PNLIPRP3: variants seen among roughly 807,000 people sequenced by gnomAD.
PNLIPRP3 encodes the protein pancreatic lipase-related protein 3.
Under a neutral mutation model 52.8 loss-of-function variants are expected in PNLIPRP3, and 58 were observed. That is an observed-to-expected ratio of 1.10 (90% CI 0.89 to 1.37). The LOEUF (loss-of-function observed/expected upper bound fraction) is 1.37. Among genes scored for constraint, PNLIPRP3 ranks in the 40% most tolerant of loss-of-function variants. PNLIPRP3 has a pLI of 0.00. For synonymous variants in PNLIPRP3, 192 were observed against 185.0 expected (o/e 1.04, Z -0.31); for missense variants, 593 against 561.6 (o/e 1.06, Z -0.57).
In PNLIPRP3 at chr10:116,464,800, G is replaced by T. The variant is rs374634093; in HGVS notation, c.809-1250G>T. Among the ~76,000 whole-genome samples the T allele has an allele frequency of 2.6e-3, 390 of 152,312 alleles. 1 individual carries two copies. The highest frequency in any genetic ancestry group is 9.0e-3 in the African/African-American group (376 of 41,582). On this transcript the variant is annotated intron_variant, in intron 7 of 11. Transcript: ENST00000369230. ...GGCTTGTTTGTGTTACAGCTCATTT[G>T]TTCCCACCCTCTGCACAGTTCAGCG... is the stretch of plus-strand genomic sequence containing the variant.
At chr10:116,466,632 T>C (rs1846285617) in intron 8 of PNLIPRP3, among the ~76,000 whole-genome samples, 1 of 139,038 alleles carries the variant, frequency 7.2e-6, no homozygotes, top group Admixed American at 7.1e-5. Flanking sequence ...AACTAAAGCA[T>C]AGATAGCTCA....
intron 7 of PNLIPRP3, among the ~76,000 whole-genome samples, 166 bp from the exon 8 acceptor site, chr10:116,465,883 TA>T (rs1309170600): frequency 6.6e-5 from 10 of 152,346 alleles, no homozygotes; most frequent in Admixed American, 5.2e-4. Context: ...TTGGTACAAA[TA>T]AAATTATATG....
chr10:116,469,289 A>G lies in PNLIPRP3; in HGVS notation c.1032A>G (p.Leu344=). The G allele has an allele frequency of 1.2e-6, 2 of 1,609,804 alleles. No homozygotes were observed. The highest frequency in any genetic ancestry group is 2.2e-5 in the South Asian group (2 of 89,766). ...NMKTNGSHYF[L]NTGSLSPFAR... ...AGACTAATGGATCACATTATTTTTT[A>G]AACACAGGGTCCCTTTCCCCATTTG... The change falls in exon 9 of 12, where the codon TTA becomes TTG. Residue 344 remains leucine (L), a synonymous_variant. Transcript: ENST00000369230.
chr10:116,447,761 C>T (rs1056998881), intron 4 of PNLIPRP3, among the ~76,000 whole-genome samples: 1 of 152,026 alleles, frequency 6.6e-6, no homozygotes, highest in African/African-American at 2.4e-5. Context: ...CATGGTGAAA[C>T]CCCATCTCTA....
In PNLIPRP3 at chr10:116,443,112, A is replaced by T; in HGVS notation, c.262A>T (p.Ile88Phe). The change falls in exon 3 of 12, where the codon ATC becomes TTC. Residue 88 changes from isoleucine (I) to phenylalanine (F), a missense_variant. Transcript: ENST00000369230. ...IQASYFGTDK[I>F]TRINIAGWKT... ...AGCCTCATATTTTGGAACAGACAAG[A>T]TCACCCGTATCAACATAGCTGGATG... is the stretch of plus-strand genomic sequence containing the variant. 6.2e-7 allele frequency: 1 copy of T among 1,611,778 alleles called. No homozygotes were observed. Among genetic ancestry groups the T allele is most frequent in the Non-Finnish European group, 8.5e-7 (1 of 1,178,270 alleles).
chr10:116,452,524 C>T (rs1468459885), intron 4 of PNLIPRP3, among the ~76,000 whole-genome samples: 2 of 152,152 alleles, frequency 1.3e-5, no homozygotes, highest in Non-Finnish European at 2.9e-5. Context: ...TTTGAGGCAG[C>T]CCCTCCCATC....
At chr10:116,453,457 G>C (rs1318281445) in intron 4 of PNLIPRP3, among the ~76,000 whole-genome samples, 2 of 152,094 alleles carry the variant, frequency 1.3e-5, no homozygotes, top group Non-Finnish European at 2.9e-5. Context: ...ACGGACATGA[G>C]GTGTAGGGGG....
chr10:116,427,905 A>C lies in PNLIPRP3; in HGVS notation c.-108A>C. ...GTTCTTTTAAACGTAGAGTTTAAACATTGAGTTGCATCATTGTGAGGAAAA... is the reference window on the plus strand; with the variant it reads ...GTTCTTTTAAACGTAGAGTTTAAACCTTGAGTTGCATCATTGTGAGGAAAA... On this transcript the variant is annotated 5_prime_UTR_variant, in exon 1 of 12. Coordinates refer to ENST00000369230, the MANE Select transcript of PNLIPRP3 (RefSeq NM_001011709.3). The C allele has an allele frequency of 2.5e-6, 2 of 810,524 alleles. No homozygotes were observed. Among genetic ancestry groups the C allele is most frequent in the South Asian group, 3.0e-5 (2 of 67,600 alleles). The allele number at this position is 810,524 out of a possible 1,614,324, so 50.2% of individuals were successfully genotyped here. A position where few individuals can be genotyped will look rare whatever the true frequency, so the allele number is the denominator to read the frequency against.
chr10:116,439,566 G>T, intron 2 of PNLIPRP3: 1 of 846,986 alleles, frequency 1.2e-6, no homozygotes, highest in Non-Finnish European at 2.0e-6. Context: ...CTTTACTTTC[G>T]ACTTATAGTC....
chr10:116,438,743 G>A (rs1845814293), intron 2 of PNLIPRP3, among the ~76,000 whole-genome samples: 1 of 152,138 alleles, frequency 6.6e-6, no homozygotes, highest in South Asian at 2.1e-4. Flanking sequence ...CCACAGGCCT[G>A]ACCCATATGT....
intron 9 of PNLIPRP3, among the ~76,000 whole-genome samples, chr10:116,469,924 A>G (rs567774530): frequency 1.9e-4 from 29 of 151,994 alleles, no homozygotes; most frequent in Admixed American, 1.5e-3. Flanking sequence ...GAAGGCCACA[A>G]GATGGAAGCA....
At chr10:116,456,351 G>A (rs554507666) in intron 5 of PNLIPRP3, among the ~76,000 whole-genome samples, 31 of 152,288 alleles carry the variant, frequency 2.0e-4, no homozygotes, top group African/African-American at 7.2e-4. Flanking sequence ...TTCCCAACAC[G>A]AAGAAAAGAT....
chr10:116,444,682 A>G (rs758865688), intron 4 of PNLIPRP3, among the ~76,000 whole-genome samples, 169 bp downstream of exon 4: 9 of 152,324 alleles, frequency 5.9e-5, no homozygotes, highest in East Asian at 3.9e-4. Flanking sequence ...TCTTCGCAGT[A>G]AAGAGTCTGT....
chr10:116,435,615 C>T (rs1845763881), intron 1 of PNLIPRP3, among the ~76,000 whole-genome samples: 1 of 152,138 alleles, frequency 6.6e-6, no homozygotes, highest in African/African-American at 2.4e-5. Context: ...GTGGCCAGTA[C>T]CATCCTAACA....
At chr10:116,465,914 A>G in intron 7 of PNLIPRP3, 136 bp from the exon 8 acceptor site, 3 of 704,774 alleles carry the variant, frequency 4.3e-6, no homozygotes, top group Non-Finnish European at 7.6e-6. Context: ...TAAATGTACA[A>G]TATCCAAGCC....
At chr10:116,439,844 T>G in intron 2 of PNLIPRP3, 1 of 779,470 alleles carries the variant, frequency 1.3e-6, no homozygotes, top group Non-Finnish European at 2.4e-6. Flanking sequence ...TAGCGCACTT[T>G]AATCACCTTT....
chr10:116,453,539 T>C (rs1846069806), intron 4 of PNLIPRP3, among the ~76,000 whole-genome samples: 1 of 152,098 alleles, frequency 6.6e-6, no homozygotes, highest in Non-Finnish European at 1.5e-5. Flanking sequence ...ATCCCCAATT[T>C]GGAAATGGGG....
At chr10:116,474,603 G>A (rs963398720) in intron 10 of PNLIPRP3, among the ~76,000 whole-genome samples, 1 of 151,980 alleles carries the variant, frequency 6.6e-6, no homozygotes, top group Admixed American at 6.6e-5. Flanking sequence ...AAATTTACAA[G>A]GCAAAAACAA....
chr10:116,465,620 C>G (rs528936438), intron 7 of PNLIPRP3, among the ~76,000 whole-genome samples: 1 of 152,236 alleles, frequency 6.6e-6, no homozygotes, highest in African/African-American at 2.4e-5. Context: ...ACCAGGCAAA[C>G]AGGAATCGAA....
Sources: gnomAD v4.1 joint callset for allele counts (sites outside exome capture counted in the v4.1 genomes callset) on GRCh38, gnomAD v4.1.1 for gene constraint, MANE v1.5 for transcripts, NCBI Gene and HGNC (gene_info 2026-07-23, HGNC 2026-07-21) for gene names.